The following NTN4 variants were observed in gnomAD, a reference collection of about 807,000 sequenced individuals.
NTN4 encodes netrin 4.
NTN4 carries 32 observed loss-of-function variants against 73.6 expected under a neutral mutation model. The ratio of observed to expected loss-of-function variants is 0.44; its 90% confidence interval spans 0.33 to 0.58. The LOEUF is 0.58. Among genes scored for constraint, NTN4 ranks in the 20% least tolerant of loss-of-function variants. The probability of loss-of-function intolerance (pLI) is 0.04; values close to 1 mark genes in which losing one functional copy is unlikely to be tolerated. For missense variants in NTN4, 654 were observed against 798.3 expected (o/e 0.82, Z 2.18); for synonymous variants, 258 against 287.5 (o/e 0.90, Z 1.04).
At chr12:95,764,862 A>G (rs1359005515) in intron 2 of NTN4, among the ~76,000 whole-genome samples, 1 of 152,208 alleles carries the variant, frequency 6.6e-6, no homozygotes, top group Non-Finnish European at 1.5e-5. Context: ...TAACTTGAAC[A>G]GGACCTTAAG....
intron 3 of NTN4, among the ~76,000 whole-genome samples, chr12:95,729,979 A>C (rs2078726234): frequency 6.6e-6 from 1 of 152,208 alleles, no homozygotes; most frequent in Non-Finnish European, 1.5e-5. Context: ...ATCTGACTCC[A>C]GGTTCCCAGC....
intron 3 of NTN4, among the ~76,000 whole-genome samples, chr12:95,732,539 G>C (rs1438815291): frequency 1.3e-5 from 2 of 151,854 alleles, no homozygotes; most frequent in Admixed American, 6.6e-5. Flanking sequence ...GAGTATCTGG[G>C]ACTATAGGCG....
chr12:95,786,703 T>G (rs187150811), intron 2 of NTN4, among the ~76,000 whole-genome samples: 1 of 152,274 alleles, frequency 6.6e-6, no homozygotes, highest in East Asian at 1.9e-4. Context: ...CTTTTTTATA[T>G]GTGAAAAATT....
chr12:95,750,227 A>C (rs2078896129), intron 2 of NTN4, among the ~76,000 whole-genome samples: 1 of 131,440 alleles, frequency 7.6e-6, no homozygotes, highest in African/African-American at 3.0e-5. Context: ...CCGTGCCCCG[A>C]CCTCTTATCT....
At position 95,681,000 on chromosome 12, in the gene NTN4, C is replaced by T. The variant is rs770572811; in HGVS notation, c.1510+1707G>A. ...GTCAGGCATTCGAGACCAGCCTGGC[C>T]AACATAGTGAAACCCCATCTCTACT... is the stretch of plus-strand genomic sequence containing the variant. On this transcript the variant is annotated intron_variant, in intron 7 of 9. Coordinates refer to ENST00000343702, the MANE Select transcript of NTN4 (RefSeq NM_021229.4). 1.1e-3 allele frequency among the ~76,000 whole-genome samples: 162 copies of T among 152,046 alleles called. 1 individual carries two copies. Among genetic ancestry groups the T allele is most frequent in the South Asian group, 1.2e-3 (6 of 4,820 alleles).
intron 8 of NTN4, among the ~76,000 whole-genome samples, chr12:95,666,418 A>C (rs1565876583): frequency 6.6e-6 from 1 of 152,164 alleles, no homozygotes; most frequent in African/African-American, 2.4e-5. Flanking sequence ...AAACTATTGA[A>C]ATAAAATAAA....
At chr12:95,678,734 C>A (rs182345817) in intron 7 of NTN4, among the ~76,000 whole-genome samples, 1 of 151,852 alleles carries the variant, frequency 6.6e-6, no homozygotes, top group Admixed American at 6.6e-5. Context: ...ATACTGGAAT[C>A]AGTAAACAAG....
chr12:95,786,892 C>A (rs778459590), intron 2 of NTN4, 47 bp downstream of exon 2: 2 of 1,513,786 alleles, frequency 1.3e-6, no homozygotes, highest in Admixed American at 2.0e-5. Context: ...GGGCTGGTAA[C>A]ATTTTTCTAT....
intron 7 of NTN4, among the ~76,000 whole-genome samples, chr12:95,681,983 G>A (rs756197235): frequency 1.7e-4 from 25 of 144,814 alleles, no homozygotes; most frequent in Non-Finnish European, 3.6e-4. Flanking sequence ...TACCTATTAA[G>A]TTAAGCTAGG....
intron 2 of NTN4, among the ~76,000 whole-genome samples, chr12:95,761,497 A>AT (rs1445266696): frequency 1.3e-5 from 2 of 151,464 alleles, no homozygotes; most frequent in East Asian, 1.9e-4. Flanking sequence ...TGCCCAGCTA[A>AT]TTTTTTTGTA....
At chr12:95,741,473 A>ATC (rs1409454318) in intron 2 of NTN4, among the ~76,000 whole-genome samples, 3 of 98,792 alleles carry the variant, frequency 3.0e-5, no homozygotes, top group East Asian at 6.2e-4. Flanking sequence ...ATATATATAT[A>ATC]TCTCCTCCAT....
At chr12:95,762,404 T>C (rs2078994937) in intron 2 of NTN4, among the ~76,000 whole-genome samples, 1 of 152,190 alleles carries the variant, frequency 6.6e-6, no homozygotes, top group Admixed American at 6.5e-5. Context: ...ACCTTGAGGA[T>C]AAGTATTAAT....
chr12:95,699,493 TC>T (rs767742639), intron 5 of NTN4, among the ~76,000 whole-genome samples: 5 of 152,130 alleles, frequency 3.3e-5, no homozygotes, highest in African/African-American at 7.2e-5. Context: ...CAGAGACTCT[TC>T]CTGAGAGCAT....
chr12:95,710,379 G>T lies in NTN4; in HGVS notation c.1180+62C>A, dbSNP rs866428283. On this transcript the variant is annotated intron_variant, in intron 5 of 9. Transcript: ENST00000343702. Reference sequence around the variant, plus strand: ...CCTTCTTTTGGGTTAGCAGAATGAGGGATAAAGAGATTCATCTCTTGTACA... The same window carrying T: ...CCTTCTTTTGGGTTAGCAGAATGAGTGATAAAGAGATTCATCTCTTGTACA... 7 of 1,360,890 alleles carry T rather than the reference G, an allele frequency of 5.1e-6. No individual in the cohort carries two copies. In the African/African-American group the frequency reaches 1.0e-4, roughly 20 times the overall value. The allele number at this position is 1,360,890 out of a possible 1,614,324, so 84.3% of individuals were successfully genotyped here.
chr12:95,751,830 A>G (rs59870553), intron 2 of NTN4, among the ~76,000 whole-genome samples: 49,052 of 69,160 alleles, frequency 0.71, 18,739 homozygotes, highest in Middle Eastern at 0.8. Flanking sequence ...GGGTATTGAC[A>G]GCCAGGCTTC....
chr12:95,706,312 A>G (rs979781633), intron 5 of NTN4, among the ~76,000 whole-genome samples: 8 of 152,326 alleles, frequency 5.3e-5, no homozygotes, highest in African/African-American at 1.7e-4. Context: ...AACAAAATAA[A>G]CAAAAAGGTA....
At chr12:95,768,447 C>A (rs559916639) in intron 2 of NTN4, among the ~76,000 whole-genome samples, 20 of 151,912 alleles carry the variant, frequency 1.3e-4, no homozygotes, top group Non-Finnish European at 2.8e-4. Context: ...AGCCCTCCCC[C>A]ACCAAGCCAA....
Position 95,790,364 on chromosome 12 carries a change from C to A in NTN4, c.-55G>T, listed in dbSNP as rs2121316819. The A allele has an allele frequency of 6.3e-6, 9 of 1,423,178 alleles. No homozygotes were observed. Among genetic ancestry groups the A allele is most frequent in the East Asian group, 2.9e-5 (1 of 34,842 alleles). 88.2% of individuals were successfully genotyped at this position (1,423,178 alleles called of 1,614,324 possible). A position where few individuals can be genotyped will look rare whatever the true frequency, so the allele number is the denominator to read the frequency against. On this transcript the variant is annotated 5_prime_UTR_variant, in exon 1 of 10. Coordinates refer to ENST00000343702, the MANE Select transcript of NTN4 (RefSeq NM_021229.4). The surrounding 1 kb of genome is among the most constrained non-coding windows in gnomAD (Gnocchi z 6.5). ...GGGCGGGTGCCGGAGGGAGCCGAGA[C>A]CTCTGGGCTGCGGGATGAAGCGCCG...
At chr12:95,680,945 T>A (rs1000165095) in intron 7 of NTN4, among the ~76,000 whole-genome samples, 10 of 152,016 alleles carry the variant, frequency 6.6e-5, no homozygotes, top group Non-Finnish European at 1.2e-4. Flanking sequence ...ATCCCAGCAC[T>A]ATGGGAGGCC....
Sources: gnomAD v4.1 joint callset for allele counts (sites outside exome capture counted in the v4.1 genomes callset) on GRCh38, gnomAD v4.1.1 for gene constraint, Gnocchi (gnomAD v3.1) non-coding constraint, MANE v1.5 for transcripts, NCBI Gene and HGNC (gene_info 2026-07-23, HGNC 2026-07-21) for gene names.